RANBP2: variants seen among roughly 807,000 people sequenced by gnomAD.
The protein encoded by RANBP2 is RAN binding protein 2.
Under a neutral mutation model 303.6 loss-of-function variants are expected in RANBP2, and 57 were observed. The ratio of observed to expected loss-of-function variants is 0.19; its 90% confidence interval spans 0.15 to 0.23. RANBP2 has a LOEUF of 0.23. Among genes scored for constraint, RANBP2 ranks in the 10% least tolerant of loss-of-function variants. RANBP2 has a pLI of 1.00. For synonymous variants in RANBP2, 1,167 were observed against 1,301.5 expected, an observed-to-expected ratio of 0.90 and a Z score of 2.23; for missense variants, 3,138 against 3,780.8, an observed-to-expected ratio of 0.83 and a Z score of 4.46.
At chr2:108,776,942 A>C (rs778513578) in intron 24 of RANBP2, among the ~76,000 whole-genome samples, 188 bp from the exon 25 acceptor site, 2 of 152,144 alleles carry the variant, frequency 1.3e-5, no homozygotes, top group East Asian at 1.9e-4. Flanking sequence ...TTCTTTGTGA[A>C]TAGCACCTGT....
chr2:109,493,200 AT>A, the RANBP2 span, among the ~76,000 whole-genome samples: 1 of 150,104 alleles, frequency 6.7e-6, no homozygotes, highest in Admixed American at 6.6e-5. Context: ...CCACACATAT[AT>A]CATATAAACA....
At chr2:108,888,834 G>T in the RANBP2 span, among the ~76,000 whole-genome samples, 1 of 151,110 alleles carries the variant, frequency 6.6e-6, no homozygotes, top group Non-Finnish European at 1.5e-5. Context: ...ATTTCTTTTT[G>T]TCTATTTTTG....
At chr2:109,373,912 G>T in the RANBP2 span, among the ~76,000 whole-genome samples, 1 of 152,126 alleles carries the variant, frequency 6.6e-6, no homozygotes, top group African/African-American at 2.4e-5. Flanking sequence ...TTGGGAGTCC[G>T]CAAGCAGGTG....
chr2:109,227,407 C>G, the RANBP2 span, among the ~76,000 whole-genome samples: 1 of 152,174 alleles, frequency 6.6e-6, no homozygotes, highest in Non-Finnish European at 1.5e-5. Flanking sequence ...ACCAGCTGTT[C>G]TTCTTACTAA....
the RANBP2 span, among the ~76,000 whole-genome samples, chr2:109,414,692 T>A: frequency 6.6e-6 from 1 of 152,282 alleles, no homozygotes; most frequent in South Asian, 2.1e-4. Context: ...ACCCTCATCA[T>A]CCACACTGAG....
At chr2:109,561,019 A>T in the RANBP2 span, among the ~76,000 whole-genome samples, 1 of 152,158 alleles carries the variant, frequency 6.6e-6, no homozygotes, top group Non-Finnish European at 1.5e-5. Flanking sequence ...AGAGCAAATA[A>T]TAATTTTTAA....
At chr2:109,259,941 T>C in the RANBP2 span, among the ~76,000 whole-genome samples, 2 of 152,192 alleles carry the variant, frequency 1.3e-5, no homozygotes. Context: ...CTGCAGATGA[T>C]ATCCATGTTC....
chr2:109,689,600 G>A, the RANBP2 span, among the ~76,000 whole-genome samples: 1 of 152,164 alleles, frequency 6.6e-6, no homozygotes, highest in Non-Finnish European at 1.5e-5. Context: ...CTTCTCATTA[G>A]CAATGACAAA....
rs753009268 is a variant in RANBP2, at chr2:108,766,321, A to G, written c.5782A>G (p.Ser1928Gly). 4.3e-6 allele frequency: 7 copies of G among 1,612,088 alleles called. No homozygotes were observed. Among genetic ancestry groups the G allele is most frequent in the African/African-American group, 1.3e-5 (1 of 74,982 alleles). ...NGTGFQAQDISGQKNGRGVIF... is the reference protein window; with the variant it reads ...NGTGFQAQDIGGQKNGRGVIF... ...TACTGGCTTCCAGGCTCAGGATATTAGTGGCCAGAAGAATGGCCGTGGTGT... is the reference window on the plus strand; with the variant it reads ...TACTGGCTTCCAGGCTCAGGATATTGGTGGCCAGAAGAATGGCCGTGGTGT... Residue 1928 changes from serine to glycine, a missense_variant, in exon 20 of 29, where the codon AGT becomes GGT. Around this residue, in one of 20 missense-constraint regions of RANBP2, gnomAD observed 348 missense variants for 360.4 expected, o/e 0.97. Transcript: ENST00000283195.
the RANBP2 span, chr2:109,398,615 T>C: frequency 4.4e-6 from 7 of 1,584,122 alleles, no homozygotes; most frequent in Non-Finnish European, 5.1e-6. Flanking sequence ...AAGCAGCTCA[T>C]TGAGATGGAC....
intron 9 of RANBP2, 26 bp from the exon 10 acceptor site, chr2:108,751,238 A>G (rs1262920224): frequency 1.2e-6 from 2 of 1,611,972 alleles, no homozygotes; most frequent in Non-Finnish European, 1.7e-6. Flanking sequence ...TCAAACCCTT[A>G]AGCCAATTTT....
chr2:108,951,750 T>C, the RANBP2 span, among the ~76,000 whole-genome samples: 1 of 152,120 alleles, frequency 6.6e-6, no homozygotes, highest in Non-Finnish European at 1.5e-5. Context: ...CACGAGGTTC[T>C]CTTAGATCTA....
chr2:108,862,594 GTTA>G, the RANBP2 span, among the ~76,000 whole-genome samples: 1 of 152,118 alleles, frequency 6.6e-6, no homozygotes, highest in Non-Finnish European at 1.5e-5. Context: ...TAATGGATAT[GTTA>G]TTTGGTTTGA....
intron 4 of RANBP2, among the ~76,000 whole-genome samples, chr2:108,732,657 C>T (rs1348232271): frequency 6.6e-6 from 1 of 152,170 alleles, no homozygotes; most frequent in African/African-American, 2.4e-5. Context: ...TACAGAACTA[C>T]TCTATTACCA....
At chr2:109,075,611 A>G in the RANBP2 span, among the ~76,000 whole-genome samples, 3 of 148,630 alleles carry the variant, frequency 2.0e-5, no homozygotes, top group African/African-American at 4.9e-5. Flanking sequence ...GAATGGATTC[A>G]AATAAATGAA....
At chr2:109,178,400 A>G in the RANBP2 span, among the ~76,000 whole-genome samples, 5 of 152,130 alleles carry the variant, frequency 3.3e-5, no homozygotes, top group Admixed American at 2.6e-4. Context: ...TATTGGTGGT[A>G]TGCTTTAGTT....
chr2:109,383,386 G>C, the RANBP2 span, among the ~76,000 whole-genome samples: 1 of 152,154 alleles, frequency 6.6e-6, no homozygotes, highest in Non-Finnish European at 1.5e-5. Flanking sequence ...TACAGGTCTC[G>C]GTTGCTGTTG....
At chr2:109,225,584 G>T in the RANBP2 span, among the ~76,000 whole-genome samples, 1 of 152,340 alleles carries the variant, frequency 6.6e-6, no homozygotes, top group East Asian at 1.9e-4. Flanking sequence ...GATGCTCCAC[G>T]TTCCTCTCTG....
chr2:108,932,179 C>G, the RANBP2 span, among the ~76,000 whole-genome samples: 1 of 152,082 alleles, frequency 6.6e-6, no homozygotes, highest in Non-Finnish European at 1.5e-5. Context: ...TTGGAAAAGT[C>G]CTGCAACAGC....
Sources: allele counts gnomAD v4.1 joint callset (sites outside exome capture counted in the v4.1 genomes callset), GRCh38; gene constraint gnomAD v4.1.1; regional missense constraint gnomAD v4.1.1; transcripts MANE v1.5; gene names NCBI Gene and HGNC (gene_info 2026-07-23, HGNC 2026-07-21).